FREM1: variants seen among roughly 807,000 people sequenced by gnomAD.
FREM1 encodes the protein FRAS1-related extracellular matrix protein 1.
Under a neutral mutation model 210.1 loss-of-function variants are expected in FREM1, and 220 were observed. The ratio of observed to expected loss-of-function variants is 1.05; its 90% confidence interval spans 0.94 to 1.17. FREM1 has a LOEUF of 1.17. Ranked by LOEUF, FREM1 falls within the 50% of genes most tolerant of loss-of-function variation. FREM1 has a pLI of 0.00. For missense variants in FREM1, 3,454 were observed against 2,675.5 expected, an observed-to-expected ratio of 1.29 and a Z score of -6.42; for synonymous variants, 1,189 against 980.2, an observed-to-expected ratio of 1.21 and a Z score of -3.98.
chr9:14,860,682 T>TACACATATATAC (rs1163364937), intron 3 of FREM1, among the ~76,000 whole-genome samples: 2 of 110,116 alleles, frequency 1.8e-5, no homozygotes, highest in Non-Finnish European at 3.6e-5. Flanking sequence ...CACACATATA[T>TACACATATATAC]ACACATATAT....
chr9:14,905,603 T>C (rs1163852784), intron 1 of FREM1, among the ~76,000 whole-genome samples: 1 of 152,140 alleles, frequency 6.6e-6, no homozygotes, highest in African/African-American at 2.4e-5. Context: ...AAGAATCAAG[T>C]GAGGGTCGGG....
At position 14,861,103 on chromosome 9, in the gene FREM1, A is replaced by G. The variant is rs1012986936; in HGVS notation, c.330-1619T>C. Among the ~76,000 whole-genome samples, 3 of 110,036 alleles carry G rather than the reference A, an allele frequency of 2.7e-5. No individual in the cohort carries two copies. The East Asian group carries it at 8.2e-4, about 30-fold the overall frequency. 72.2% of individuals were successfully genotyped at this position (110,036 alleles called of 152,430 possible). ...CATATATACACATATATATAAACAT[A>G]TATACACATATATATACATATATAC... On this transcript the variant is annotated intron_variant, in intron 3 of 36. Transcript: ENST00000380880.
intron 19 of FREM1, among the ~76,000 whole-genome samples, chr9:14,802,563 A>C (rs1162538264): frequency 1.3e-5 from 2 of 152,212 alleles, no homozygotes; most frequent in Non-Finnish European, 2.9e-5. Context: ...CTTTAAACAC[A>C]AAGACAATTA....
intron 22 of FREM1, among the ~76,000 whole-genome samples, chr9:14,791,926 C>A (rs988732698): frequency 2.0e-4 from 30 of 150,712 alleles, no homozygotes; most frequent in Admixed American, 9.9e-4. Flanking sequence ...TCTCCCCCCT[C>A]TCCCGGGTTC....
chr9:14,909,530 G>C (rs916260607), intron 1 of FREM1, among the ~76,000 whole-genome samples: 8 of 152,202 alleles, frequency 5.3e-5, no homozygotes, highest in Non-Finnish European at 1.5e-5. Flanking sequence ...GTACCATGAG[G>C]ATATTATCTG....
rs118068188 is a variant in FREM1, at chr9:14,744,264, A to T, written c.6254+2089T>A. Among the ~76,000 whole-genome samples, 3 of 152,214 alleles carry T rather than the reference A, an allele frequency of 2.0e-5. No homozygotes were observed. In the East Asian group the frequency reaches 5.8e-4, roughly 29 times the overall value. On this transcript the variant is annotated intron_variant, in intron 35 of 36. Coordinates refer to ENST00000380880, the MANE Select transcript of FREM1 (RefSeq NM_001379081.2). Reference sequence around the variant, plus strand: ...TAAAAAAAATCTGGGTATAATTTACATATAATAAAATGAATAGATTTTTAA... The same window carrying T: ...TAAAAAAAATCTGGGTATAATTTACTTATAATAAAATGAATAGATTTTTAA...
chr9:14,853,986 G>A (rs1289030824), intron 5 of FREM1, among the ~76,000 whole-genome samples: 1 of 152,142 alleles, frequency 6.6e-6, no homozygotes, highest in African/African-American at 2.4e-5. Context: ...TTGTAATAAA[G>A]TATAACAATC....
intron 26 of FREM1, 71 bp from the exon 27 acceptor site, chr9:14,769,939 TG>T: frequency 2.7e-6 from 2 of 744,106 alleles, no homozygotes; most frequent in Non-Finnish European, 4.2e-6. Flanking sequence ...TAAAATTGTA[TG>T]GCTATTTTAT....
chr9:14,893,077 G>A (rs1837137169), intron 1 of FREM1, among the ~76,000 whole-genome samples: 1 of 152,140 alleles, frequency 6.6e-6, no homozygotes, highest in African/African-American at 2.4e-5. Flanking sequence ...CAGAGCTGTG[G>A]TGCAGCCAGC....
chr9:14,741,465 A>G (rs1190495297), intron 35 of FREM1, among the ~76,000 whole-genome samples: 1 of 152,094 alleles, frequency 6.6e-6, no homozygotes, highest in Non-Finnish European at 1.5e-5. Flanking sequence ...AGACCGCTGG[A>G]TTGGGTTTTG....
intron 3 of FREM1, among the ~76,000 whole-genome samples, chr9:14,861,832 T>A (rs996094145): frequency 2.0e-5 from 3 of 152,072 alleles, no homozygotes; most frequent in African/African-American, 7.2e-5. Context: ...TTACAAACAA[T>A]CCAATTATAA....
At chr9:14,894,907 G>A (rs1029685357) in intron 1 of FREM1, among the ~76,000 whole-genome samples, 2 of 152,190 alleles carry the variant, frequency 1.3e-5, no homozygotes, top group African/African-American at 4.8e-5. Context: ...GACTGGAATG[G>A]TGCGCTTTCC....
intron 17 of FREM1, 105 bp from the exon 18 acceptor site, chr9:14,806,951 A>T (rs762193824): frequency 1.2e-4 from 72 of 586,572 alleles, no homozygotes; most frequent in Non-Finnish European, 1.8e-4. Flanking sequence ...GAAGCCTCCC[A>T]CGTGCAAAAA....
At chr9:14,846,754 G>A (rs1484282052) in intron 7 of FREM1, among the ~76,000 whole-genome samples, 3 of 152,214 alleles carry the variant, frequency 2.0e-5, no homozygotes, top group African/African-American at 7.2e-5. Flanking sequence ...AGCAGAGCAA[G>A]CTGGTCGAAT....
In FREM1 at chr9:14,836,137, G is replaced by A. The variant is rs1824559012; in HGVS notation, c.1881+5310C>T. Among the ~76,000 whole-genome samples the A allele has an allele frequency of 1.3e-5, 2 of 152,140 alleles. No homozygotes were observed. The highest frequency in any genetic ancestry group is 4.1e-4 in the South Asian group (2 of 4,822). On this transcript the variant is annotated intron_variant, in intron 10 of 36. Coordinates refer to ENST00000380880, the MANE Select transcript of FREM1 (RefSeq NM_001379081.2). The surrounding 1 kb of genome is among the most constrained non-coding windows in gnomAD (Gnocchi z 4.9). ...AAGGAACTTCATAGACCCCCAAAGG[G>A]GAGTTCTCTATCTTGGCAAGTAAAA...
intron 14 of FREM1, among the ~76,000 whole-genome samples, chr9:14,817,419 T>C (rs1396845000): frequency 1.3e-5 from 2 of 152,230 alleles, no homozygotes; most frequent in African/African-American, 4.8e-5. Flanking sequence ...TCTCAATCTA[T>C]ATAAATTCTT....
chr9:14,874,198 G>T (rs898708233), intron 1 of FREM1, among the ~76,000 whole-genome samples: 3 of 152,120 alleles, frequency 2.0e-5, no homozygotes, highest in Non-Finnish European at 4.4e-5. Context: ...TTGGTGCAGA[G>T]GTGAGTTCAA....
chr9:14,882,451 A>G (rs150948113), intron 1 of FREM1, among the ~76,000 whole-genome samples: 28 of 147,766 alleles, frequency 1.9e-4, no homozygotes, highest in South Asian at 1.3e-3. Flanking sequence ...TATTTTTTTA[A>G]TTTTCTTCTT....
intron 10 of FREM1, among the ~76,000 whole-genome samples, chr9:14,835,153 G>C (rs1178075456): frequency 6.6e-6 from 1 of 152,170 alleles, no homozygotes; most frequent in Non-Finnish European, 1.5e-5. Context: ...CAAAGTTAAA[G>C]CAAACTTTTT....
Sources: allele counts gnomAD v4.1 joint callset (sites outside exome capture counted in the v4.1 genomes callset), GRCh38; gene constraint gnomAD v4.1.1; non-coding constraint Gnocchi (gnomAD v3.1); transcripts MANE v1.5; gene names NCBI Gene and HGNC (gene_info 2026-07-23, HGNC 2026-07-21).